The following SPTSSA variants were observed in gnomAD, a reference collection of about 807,000 sequenced individuals.
The protein encoded by SPTSSA is small subunit of serine palmitoyltransferase A.
In SPTSSA, 8 loss-of-function variants were observed where a neutral mutation model predicts 9.1. The ratio of observed to expected loss-of-function variants is 0.88; its 90% confidence interval spans 0.51 to 1.58. The LOEUF (loss-of-function observed/expected upper bound fraction) is 1.58. Ranked by LOEUF, SPTSSA falls within the 40% of genes most tolerant of loss-of-function variation. The pLI is 0.00. For missense variants in SPTSSA, 100 were observed against 93.8 expected (o/e 1.07, Z -0.27); for synonymous variants, 42 against 37.7 (o/e 1.11, Z -0.41).
chr14:34,435,112 G>T lies in SPTSSA; in HGVS notation c.*89C>A. 1 of 947,302 alleles carries T rather than the reference G, an allele frequency of 1.1e-6. No homozygotes were observed. Among genetic ancestry groups the T allele is most frequent in the Non-Finnish European group, 1.6e-6 (1 of 622,194 alleles). The allele number at this position is 947,302 out of a possible 1,614,324, so 58.7% of individuals were successfully genotyped here. A position where few individuals can be genotyped will look rare whatever the true frequency, so the allele number is the denominator to read the frequency against. Reference sequence around the variant, plus strand: ...ATAAGGTTGGTTATGTTGACATCTAGAAGAGTTTCTTATCACATCTGATGG... The same window carrying T: ...ATAAGGTTGGTTATGTTGACATCTATAAGAGTTTCTTATCACATCTGATGG... On this transcript the variant is annotated 3_prime_UTR_variant, in exon 2 of 2. Transcript: ENST00000298130.
chr14:34,434,983 T>C lies in SPTSSA; in HGVS notation c.*218A>G, dbSNP rs1883215601. On this transcript the variant is annotated 3_prime_UTR_variant, in exon 2 of 2. Transcript: ENST00000298130. ...AGTACAAATGACTACAATGTTAAAA[T>C]AGACAAAAACTGCTATACAAGAGCC... 1 of 342,244 alleles carries C rather than the reference T, an allele frequency of 2.9e-6. No individual in the cohort carries two copies. Among genetic ancestry groups the C allele is most frequent in the Non-Finnish European group, 5.3e-6 (1 of 188,548 alleles). The allele number at this position is 342,244 out of a possible 1,614,324, so 21.2% of individuals were successfully genotyped here.
intron 1 of SPTSSA, 73 bp downstream of exon 1, chr14:34,462,023 G>A (rs1242153281): frequency 2.8e-6 from 3 of 1,079,218 alleles, no homozygotes; most frequent in African/African-American, 3.4e-5. Context: ...CCCAGGCCCG[G>A]GGCCTGGGGA....
At chr14:34,450,923 T>G (rs1194257021) in intron 1 of SPTSSA, among the ~76,000 whole-genome samples, 1 of 152,144 alleles carries the variant, frequency 6.6e-6, no homozygotes, top group Admixed American at 6.6e-5. Flanking sequence ...CAAGTAGATG[T>G]GAAGCCATAT....
rs79148212 is a variant in SPTSSA, at chr14:34,437,443, C to T, written c.113-2139G>A. Among the ~76,000 whole-genome samples the T allele has an allele frequency of 3.1e-3, 473 of 152,266 alleles. 3 individuals are homozygous for T. Among genetic ancestry groups the T allele is most frequent in the African/African-American group, 9.1e-3 (377 of 41,540 alleles). ...TCTCCTCCTAGTATAGCAGCCATGC[C>T]CTTTTGGTTAGACTAACCCATCTTC... On this transcript the variant is annotated intron_variant, in intron 1 of 1. Coordinates refer to ENST00000298130, the MANE Select transcript of SPTSSA (RefSeq NM_138288.4).
intron 1 of SPTSSA, among the ~76,000 whole-genome samples, chr14:34,451,437 T>C (rs185750582): frequency 1.3e-5 from 2 of 152,260 alleles, no homozygotes; most frequent in Admixed American, 6.5e-5. Flanking sequence ...GTAAAATCAA[T>C]TCTAGGCTGG....
At position 34,447,225 on chromosome 14, in the gene SPTSSA, TAAAAAAAAAAAA is replaced by T. The variant is rs79063928; in HGVS notation, c.113-11933_113-11922del. 7.0e-5 allele frequency among the ~76,000 whole-genome samples: 6 copies of T among 85,310 alleles called. No homozygotes were observed. In the East Asian group the frequency reaches 1.3e-3, roughly 19 times the overall value. The allele number at this position is 85,310 out of a possible 152,430, so 56.0% of individuals were successfully genotyped here. On this transcript the variant is annotated intron_variant, in intron 1 of 1. Coordinates refer to ENST00000298130, the MANE Select transcript of SPTSSA (RefSeq NM_138288.4). Reference sequence around the variant, plus strand: ...GGTGACAGAGCGAGACTCCATCTCTTAAAAAAAAAAAAAAAAAAAAAAAAAGACCATTTGGTC... The same window carrying T: ...GGTGACAGAGCGAGACTCCATCTCTTAAAAAAAAAAAAAGACCATTTGGTC...
chr14:34,460,784 T>C (rs1878602841), intron 1 of SPTSSA, among the ~76,000 whole-genome samples: 2 of 152,074 alleles, frequency 1.3e-5, no homozygotes, highest in Non-Finnish European at 2.9e-5. Context: ...CCCTAAAGAG[T>C]GAGACTAAAC....
intron 1 of SPTSSA, among the ~76,000 whole-genome samples, chr14:34,460,316 T>C (rs1476772499): frequency 6.6e-6 from 1 of 152,154 alleles, no homozygotes; most frequent in Non-Finnish European, 1.5e-5. Flanking sequence ...GGTTCTATAA[T>C]ATTGGATGTC....
At chr14:34,458,503 A>T (rs924786552) in intron 1 of SPTSSA, among the ~76,000 whole-genome samples, 7 of 140,746 alleles carry the variant, frequency 5.0e-5, no homozygotes, top group African/African-American at 1.9e-4. Flanking sequence ...CTTTCTTTTT[A>T]TTTTTTTTTT....
At chr14:34,452,887 G>C (rs1594624659) in intron 1 of SPTSSA, among the ~76,000 whole-genome samples, 1 of 152,058 alleles carries the variant, frequency 6.6e-6, no homozygotes, top group Admixed American at 6.6e-5. Context: ...ATCATTTAGG[G>C]GAGCAGATTA....
intron 1 of SPTSSA, among the ~76,000 whole-genome samples, chr14:34,444,642 C>T (rs1390476292): frequency 6.6e-6 from 1 of 151,908 alleles, no homozygotes; most frequent in African/African-American, 2.4e-5. Flanking sequence ...ACCCCAGCTA[C>T]CTGGGAGGCT....
At chr14:34,438,418 C>T (rs1295008448) in intron 1 of SPTSSA, among the ~76,000 whole-genome samples, 1 of 152,016 alleles carries the variant, frequency 6.6e-6, no homozygotes, top group Non-Finnish European at 1.5e-5. Flanking sequence ...TTTGGATTTT[C>T]GAGCATTTCA....
At position 34,435,300 on chromosome 14, in the gene SPTSSA, G is replaced by A. The variant is rs370369002; in HGVS notation, c.117C>T (p.Ser39=). Residue 39 remains serine (S), a synonymous_variant, in exon 2 of 2, where the codon TCC becomes TCT. Coordinates refer to ENST00000298130, the MANE Select transcript of SPTSSA (RefSeq NM_138288.4). The part of the protein sequence containing the change: ...LEPWERTVFN[S]MLVSIVGMAL... The stretch of plus-strand genomic sequence containing the variant: ...CCATCCCCACAATGGAAACCAGCAT[G>A]GAATCTGAGTTGTAGTTAAGGAAAC... The A allele has an allele frequency of 1.6e-4, 265 of 1,608,312 alleles. No homozygotes were observed. Among genetic ancestry groups the A allele is most frequent in the Non-Finnish European group, 2.0e-4 (231 of 1,176,388 alleles).
intron 1 of SPTSSA, among the ~76,000 whole-genome samples, chr14:34,455,626 T>C (rs1235521859): frequency 1.3e-5 from 2 of 151,954 alleles, no homozygotes; most frequent in African/African-American, 4.8e-5. Flanking sequence ...ATTAGTATAT[T>C]GAGATGCAAA....
rs776850697 is a variant in SPTSSA, at chr14:34,444,481, C to T, written c.113-9177G>A. ...AAACTGCTAAGAGTCAGGCCAGGCG[C>T]GGTGGCTCACACCTGTAATCCCAGC... On this transcript the variant is annotated intron_variant, in intron 1 of 1. Transcript: ENST00000298130. Among the ~76,000 whole-genome samples the T allele has an allele frequency of 3.9e-5, 6 of 152,274 alleles. No individual in the cohort carries two copies. The South Asian group carries it at 6.2e-4, about 16-fold the overall frequency.
At chr14:34,458,077 A>G (rs1447119601) in intron 1 of SPTSSA, among the ~76,000 whole-genome samples, 1 of 152,194 alleles carries the variant, frequency 6.6e-6, no homozygotes, top group Non-Finnish European at 1.5e-5. Flanking sequence ...TACTGTTTCA[A>G]GAACTATTCA....
At chr14:34,440,837 C>T (rs1310829181) in intron 1 of SPTSSA, among the ~76,000 whole-genome samples, 9 of 151,376 alleles carry the variant, frequency 5.9e-5, no homozygotes, top group African/African-American at 1.7e-4. Flanking sequence ...GCCGAGATGG[C>T]GCCACTGCAC....
intron 1 of SPTSSA, among the ~76,000 whole-genome samples, chr14:34,451,724 A>ACC (rs1566425535): frequency 7.0e-6 from 1 of 143,474 alleles, no homozygotes; most frequent in Non-Finnish European, 1.6e-5. Context: ...TTTCAAAAAA[A>ACC]AAAAAAAAAA....
intron 1 of SPTSSA, among the ~76,000 whole-genome samples, chr14:34,444,927 G>A (rs1322019089): frequency 6.6e-6 from 1 of 150,764 alleles, no homozygotes; most frequent in Non-Finnish European, 1.5e-5. Flanking sequence ...CCCCGTCTCA[G>A]CTAAAACTAT....
Sources: gnomAD v4.1 joint callset for allele counts (sites outside exome capture counted in the v4.1 genomes callset) on GRCh38, gnomAD v4.1.1 for gene constraint, MANE v1.5 for transcripts, NCBI Gene and HGNC (gene_info 2026-07-23, HGNC 2026-07-21) for gene names.